Variants in C11orf65 observed in about 807,000 individuals in gnomAD.
C11orf65 encodes the protein protein MFI.
Under a neutral mutation model 35.3 loss-of-function variants are expected in C11orf65, and 38 were observed. The ratio of observed to expected loss-of-function variants is 1.08; its 90% CI spans 0.83 to 1.41. The LOEUF is 1.41. C11orf65 is among the 40% of genes most tolerant of loss of function. The pLI, the probability that C11orf65 is intolerant of heterozygous loss-of-function variation, is 0.00. For synonymous variants in C11orf65, 105 were observed against 114.4 expected (o/e 0.92, Z 0.53); for missense variants, 370 against 367.1 (o/e 1.01, Z -0.06).
At chr11:108,358,271 G>T (rs1591340459) in intron 2 of C11orf65, among the ~76,000 whole-genome samples, 2 of 148,172 alleles carry the variant, frequency 1.3e-5, no homozygotes, top group African/African-American at 5.0e-5. Context: ...AATGAGCAAA[G>T]CCTCCAAGAA....
chr11:108,439,002 T>C (rs938426105), intron 2 of C11orf65, among the ~76,000 whole-genome samples: 5 of 150,580 alleles, frequency 3.3e-5, no homozygotes, highest in African/African-American at 1.2e-4. Context: ...CGAGACTCCA[T>C]CTAAAAAAAA....
intron 6 of C11orf65, among the ~76,000 whole-genome samples, chr11:108,314,113 C>T (rs1457799117): frequency 1.3e-5 from 2 of 151,830 alleles, no homozygotes; most frequent in Admixed American, 6.6e-5. Context: ...TTCTAATGTA[C>T]AGTTTTTTTG....
At chr11:108,462,282 C>T (rs139188834) in intron 1 of C11orf65, among the ~76,000 whole-genome samples, 8 of 152,278 alleles carry the variant, frequency 5.3e-5, no homozygotes, top group African/African-American at 1.9e-4. Flanking sequence ...TGTACTCAAG[C>T]GATCCTCCCA....
In C11orf65 at chr11:108,357,349, G is replaced by A. The variant is rs1462480448; in HGVS notation, c.227-22057C>T. Among the ~76,000 whole-genome samples the A allele has an allele frequency of 2.6e-5, 4 of 152,334 alleles. No homozygotes were observed. The East Asian group carries it at 7.7e-4, about 29-fold the overall frequency. On this transcript the variant is annotated intron_variant, in intron 2 of 3. Coordinates refer to the C11orf65 transcript ENST00000524755. The stretch of plus-strand genomic sequence containing the variant: ...CAGCAGTCTGAGATCAAACTGCAAG[G>A]TGGCAGCGAGGCTGGGGGAGGGGCG...
At chr11:108,312,327 T>C (rs1209090622) in intron 6 of C11orf65, 2 of 1,044,074 alleles carry the variant, frequency 1.9e-6, no homozygotes, top group Non-Finnish European at 3.0e-6. Flanking sequence ...CATTAGTTTT[T>C]TTCTGTCAAA....
In C11orf65 at chr11:108,354,894, A is replaced by C. The variant is rs2137357318; in HGVS notation, c.227-19602T>G. 6.3e-7 allele frequency: 1 copy of C among 1,599,462 alleles called. No individual in the cohort carries two copies. The highest frequency in any genetic ancestry group is 2.2e-5 in the East Asian group (1 of 44,800). On this transcript the variant is annotated intron_variant, in intron 2 of 3. Transcript: ENST00000524755. ...GTAGAGGTAAAGTATTTTATAAGGA[A>C]GACTTTATTTTTTTTCTTACCAGGT...
At chr11:108,422,208 G>A (rs1242896696) in intron 3 of C11orf65, among the ~76,000 whole-genome samples, 2 of 152,148 alleles carry the variant, frequency 1.3e-5, no homozygotes, top group Admixed American at 6.5e-5. Context: ...GATTACAGGC[G>A]TGAGCCACCG....
chr11:108,325,985 C>G, intron 6 of C11orf65: 1 of 1,537,512 alleles, frequency 6.5e-7, no homozygotes, highest in Non-Finnish European at 8.9e-7. Context: ...TTGCTGCTTT[C>G]ATTATTATTA....
chr11:108,408,029 T>C (rs1051666381), intron 3 of C11orf65, among the ~76,000 whole-genome samples: 1 of 144,604 alleles, frequency 6.9e-6, no homozygotes, highest in African/African-American at 2.5e-5. Context: ...TTATTATTAT[T>C]TTATTATTAC....
rs1230226121 is a variant in C11orf65, at chr11:108,410,692, C to T, written c.175-3543G>A. 3.4e-5 allele frequency among the ~76,000 whole-genome samples: 5 copies of T among 148,268 alleles called. No individual in the cohort carries two copies. In the Admixed American group the frequency reaches 3.5e-4, roughly 10 times the overall value. ...ATTCATTGATTTCTGATTTTATCTT[C>T]ACTATTTCCTTCCTTTTACTTTTTT... On this transcript the variant is annotated intron_variant, in intron 3 of 8. Transcript: ENST00000393084.
downstream of C11orf65, chr11:108,331,363 C>T: frequency 6.5e-7 from 1 of 1,531,296 alleles, no homozygotes. Context: ...GGAGCACTGT[C>T]TTAAAATAAC....
chr11:108,355,076 G>A (rs2089732313), intron 2 of C11orf65: 3 of 580,052 alleles, frequency 5.2e-6, no homozygotes, highest in Admixed American at 6.0e-5. Context: ...GCCCCCTTGA[G>A]TTTCTTGGAA....
At chr11:108,419,534 C>CA (rs938015625) in intron 3 of C11orf65, among the ~76,000 whole-genome samples, 5 of 151,916 alleles carry the variant, frequency 3.3e-5, no homozygotes, top group Non-Finnish European at 7.4e-5. Context: ...TCTGTCTCTA[C>CA]AAAAAAAGTT....
chr11:108,444,750 G>A (rs1450772317), intron 2 of C11orf65, among the ~76,000 whole-genome samples: 1 of 152,120 alleles, frequency 6.6e-6, no homozygotes, highest in Non-Finnish European at 1.5e-5. Context: ...GTGCCAGGCA[G>A]TGGGTGTAGG....
chr11:108,417,422 T>C (rs1005829931), intron 3 of C11orf65, among the ~76,000 whole-genome samples: 1 of 152,020 alleles, frequency 6.6e-6, no homozygotes, highest in African/African-American at 2.4e-5. Context: ...CACATGCCTG[T>C]AATTCCAACT....
upstream of C11orf65, among the ~76,000 whole-genome samples, chr11:108,469,608 T>C (rs1005128512): frequency 6.6e-6 from 1 of 152,054 alleles, no homozygotes; most frequent in African/African-American, 2.4e-5. Context: ...GTATTTACAA[T>C]AGTTACTGTT....
At chr11:108,461,334 A>C in intron 2 of C11orf65, 145 bp downstream of exon 2, 1 of 612,254 alleles carries the variant, frequency 1.6e-6, no homozygotes, top group Non-Finnish European at 2.9e-6. Context: ...TGGGAGGCAG[A>C]GGCTGCAGTG....
At chr11:108,369,545 G>C (rs1311990485) in intron 2 of C11orf65, among the ~76,000 whole-genome samples, 1 of 152,104 alleles carries the variant, frequency 6.6e-6, no homozygotes, top group African/African-American at 2.4e-5. Flanking sequence ...TTAACAAAAT[G>C]CATTTTGCAT....
At chr11:108,467,560 G>A (rs2093556103), upstream of C11orf65, 1 of 152,134 alleles carries the variant, frequency 6.6e-6, no homozygotes, top group Non-Finnish European at 1.5e-5. Context: ...CCGCCCCATT[G>A]CCCTCCTAGC....
Sources: allele counts gnomAD v4.1 joint callset (sites outside exome capture counted in the v4.1 genomes callset), GRCh38; gene constraint gnomAD v4.1.1; transcripts MANE v1.5; gene names NCBI Gene and HGNC (gene_info 2026-07-23, HGNC 2026-07-21).